JAKMIP1: variants seen among roughly 807,000 people sequenced by gnomAD.
JAKMIP1 encodes the protein janus kinase and microtubule-interacting protein 1.
In JAKMIP1, 33 loss-of-function variants were observed where a neutral mutation model predicts 113.0. That is an observed-to-expected ratio of 0.29 (90% CI 0.22 to 0.39). JAKMIP1 has a LOEUF of 0.39. Among genes scored for constraint, JAKMIP1 ranks in the 10% least tolerant of loss-of-function variants. The pLI, the probability that JAKMIP1 is intolerant of heterozygous loss-of-function variation, is 1.00. For missense variants in JAKMIP1, 813 were observed against 1,080.5 expected, an observed-to-expected ratio of 0.75 and a Z score of 3.47; for synonymous variants, 480 against 459.9, an observed-to-expected ratio of 1.04 and a Z score of -0.56.
chr4:6,158,626 C>T lies in JAKMIP1; in HGVS notation c.-148+41627G>A, dbSNP rs7685114. Among the ~76,000 whole-genome samples the T allele has an allele frequency of 0.021, 3,212 of 152,160 alleles. 110 individuals carry two copies. The highest frequency in any genetic ancestry group is 0.068 in the African/African-American group (2,829 of 41,446). The stretch of plus-strand genomic sequence containing the variant: ...GGGCCATTTCTCCACCCCCCACCCC[C>T]ACCAGCCCCAGCTAGTAGTCATCAT... On this transcript the variant is annotated intron_variant, in intron 1 of 20. Coordinates refer to ENST00000409021, the MANE Select transcript of JAKMIP1 (RefSeq NM_001099433.2). The surrounding 1 kb of genome is among the most constrained non-coding windows in gnomAD (Gnocchi z 5.3).
At chr4:6,110,404 G>A (rs550397402) in intron 2 of JAKMIP1, among the ~76,000 whole-genome samples, 19 of 151,554 alleles carry the variant, frequency 1.3e-4, no homozygotes, top group South Asian at 2.1e-4. Flanking sequence ...GACAGCAATC[G>A]TCTGTTGCGT....
At chr4:6,091,131 T>C (rs902199255) in intron 3 of JAKMIP1, among the ~76,000 whole-genome samples, 1 of 152,096 alleles carries the variant, frequency 6.6e-6, no homozygotes, top group Non-Finnish European at 1.5e-5. Context: ...GCTTAAGGAG[T>C]GACATTTATC....
intron 20 of JAKMIP1, among the ~76,000 whole-genome samples, chr4:6,027,453 G>A (rs1712002225): frequency 6.6e-6 from 1 of 152,182 alleles, no homozygotes; most frequent in African/African-American, 2.4e-5. Context: ...CCATCCAGTG[G>A]GGGTGTGGCA....
chr4:6,147,426 TGGCCTGGTGAATTAATAGCTGA>T (rs1180779283), intron 1 of JAKMIP1, among the ~76,000 whole-genome samples: 1 of 152,148 alleles, frequency 6.6e-6, no homozygotes, highest in Non-Finnish European at 1.5e-5. Flanking sequence ...GTCTGGGCAA[TGGCCTGGTGAATTAATAGCTGA>T]GGCCAGGCTG....
chr4:6,096,270 C>CGGTG (rs1258977007), intron 3 of JAKMIP1, among the ~76,000 whole-genome samples: 5 of 152,214 alleles, frequency 3.3e-5, no homozygotes, highest in Non-Finnish European at 7.3e-5. Context: ...ATTTCATGAC[C>CGGTG]GGTGAGGTTA....
rs564681342 is a variant in JAKMIP1 at position 6,141,465 on chromosome 4, A to G, written c.-147-28468T>C. On this transcript the variant is annotated intron_variant, in intron 1 of 20. Transcript: ENST00000409021. The surrounding 1 kb of genome is among the most constrained non-coding windows in gnomAD (Gnocchi z 9.4). ...TAAATAAATAAATAAATACCAAAAA[A>G]CAAACAAACAAACACAAAAAACAAA... 7.9e-5 allele frequency among the ~76,000 whole-genome samples: 12 copies of G among 152,250 alleles called. No homozygotes were observed. In the East Asian group the frequency reaches 2.3e-3, roughly 29 times the overall value.
At chr4:6,117,844 C>G (rs539282498) in intron 1 of JAKMIP1, among the ~76,000 whole-genome samples, 4 of 151,778 alleles carry the variant, frequency 2.6e-5, no homozygotes, top group East Asian at 1.9e-4. Context: ...AAGAGAAATA[C>G]GGCTCTGTTC....
At chr4:6,147,011 T>C (rs564366963) in intron 1 of JAKMIP1, among the ~76,000 whole-genome samples, 2 of 152,136 alleles carry the variant, frequency 1.3e-5, no homozygotes, top group East Asian at 3.9e-4. Flanking sequence ...CAGGCTGGAG[T>C]GCAATGGCAT....
At position 6,052,399 on chromosome 4, in the gene JAKMIP1, C is replaced by T. The variant is rs11947408; in HGVS notation, c.1806+1651G>A. Among the ~76,000 whole-genome samples, 740 of 152,068 alleles carry T rather than the reference C, an allele frequency of 4.9e-3. 5 individuals are homozygous for T. Among genetic ancestry groups the T allele is most frequent in the African/African-American group, 0.017 (703 of 41,472 alleles). ...TGGTAGCTTATACCTGTAATCCCAG[C>T]ACTTTGGGAGGCTGAGGCAGGTGGA... On this transcript the variant is annotated intron_variant, in intron 13 of 20. Coordinates refer to ENST00000409021, the MANE Select transcript of JAKMIP1 (RefSeq NM_001099433.2).
intron 3 of JAKMIP1, among the ~76,000 whole-genome samples, chr4:6,091,945 C>T (rs1722116708): frequency 6.6e-6 from 1 of 152,174 alleles, no homozygotes; most frequent in Non-Finnish European, 1.5e-5. Flanking sequence ...CCCCCAGCCC[C>T]AGTTTACACT....
At chr4:6,134,628 C>T (rs917685328) in intron 1 of JAKMIP1, among the ~76,000 whole-genome samples, 1 of 152,192 alleles carries the variant, frequency 6.6e-6, no homozygotes, top group Admixed American at 6.5e-5. Context: ...TGCCCATCCC[C>T]GCCACCAGAC....
Position 6,056,765 on chromosome 4 carries a change from G to A in JAKMIP1, c.1645-6C>T. 6.2e-7 allele frequency: 1 copy of A among 1,601,614 alleles called. No individual in the cohort carries two copies. The highest frequency in any genetic ancestry group is 8.6e-7 in the Non-Finnish European group (1 of 1,169,356). ...TCTTCAACCCACTTGGAATCCTAAG[G>A]AAAAGTACTAAATATGGTCACATTC... On this transcript the variant is annotated splice_region_variant and splice_polypyrimidine_tract_variant and intron_variant, in intron 11 of 20. Coordinates refer to ENST00000409021, the MANE Select transcript of JAKMIP1 (RefSeq NM_001099433.2).
chr4:6,044,905 G>A lies in JAKMIP1; in HGVS notation c.2029-2678C>T, dbSNP rs1266481975. Among the ~76,000 whole-genome samples, 2 of 152,244 alleles carry A rather than the reference G, an allele frequency of 1.3e-5. No homozygotes were observed. Among genetic ancestry groups the A allele is most frequent in the Non-Finnish European group, 2.9e-5 (2 of 68,044 alleles). ...ACTCCTGGGAGAAACAGCGTTCATG[G>A]TTCTGCTCCAACCCCAGGAGAGGGG... On this transcript the variant is annotated intron_variant, in intron 16 of 20. Coordinates refer to ENST00000409021, the MANE Select transcript of JAKMIP1 (RefSeq NM_001099433.2). This position sits in a 1 kb window ranked among gnomAD's most constrained non-coding sequence, Gnocchi z 4.4.
chr4:6,147,019 C>T (rs533335080), intron 1 of JAKMIP1, among the ~76,000 whole-genome samples: 2 of 152,254 alleles, frequency 1.3e-5, no homozygotes, highest in Non-Finnish European at 2.9e-5. Context: ...AGTGCAATGG[C>T]ATGATCTCGG....
intron 12 of JAKMIP1, 41 bp from the exon 13 acceptor site, chr4:6,054,189 G>C (rs1348583982): frequency 6.2e-7 from 1 of 1,602,576 alleles, no homozygotes; most frequent in South Asian, 1.1e-5. Context: ...ATGGGTGGGA[G>C]CACTGGGGTC....
In JAKMIP1 at chr4:6,077,245, G is replaced by A. The variant is rs116115436; in HGVS notation, c.1302+1694C>T. ...GTGGACTCCTAATCCAGCATGAGTG[G>A]TGGCTTTATATGTGAAGCCACAGAG... is the stretch of plus-strand genomic sequence containing the variant. On this transcript the variant is annotated intron_variant, in intron 8 of 20. Transcript: ENST00000409021. Among the ~76,000 whole-genome samples the A allele has an allele frequency of 3.6e-3, 543 of 152,214 alleles. 7 individuals are homozygous for A. Among genetic ancestry groups the A allele is most frequent in the African/African-American group, 0.013 (524 of 41,518 alleles).
At chr4:6,079,821 C>G (rs1296548641) in intron 7 of JAKMIP1, among the ~76,000 whole-genome samples, 1 of 150,786 alleles carries the variant, frequency 6.6e-6, no homozygotes, top group African/African-American at 2.5e-5. Flanking sequence ...ACCAACCAAA[C>G]AAACAAAAAG....
rs910241306 is a variant in JAKMIP1, at chr4:6,183,365, A to G, written c.-148+16888T>C. The stretch of plus-strand genomic sequence containing the variant: ...TTGGTGGCGGGTGCCTGTAATACCA[A>G]CTACTTGGGAGGCCGAGGCAGGAGA... On this transcript the variant is annotated intron_variant, in intron 1 of 20. Transcript: ENST00000409021. The surrounding 1 kb of genome is among the most constrained non-coding windows in gnomAD (Gnocchi z 5.3). Among the ~76,000 whole-genome samples, 8 of 151,740 alleles carry G rather than the reference A, an allele frequency of 5.3e-5. No homozygotes were observed. The highest frequency in any genetic ancestry group is 3.9e-4 in the Admixed American group (6 of 15,228).
chr4:6,179,606 A>G lies in JAKMIP1; in HGVS notation c.-148+20647T>C, dbSNP rs752946836. Among the ~76,000 whole-genome samples the G allele has an allele frequency of 6.6e-6, 1 of 152,246 alleles. No homozygotes were observed. Among genetic ancestry groups the G allele is most frequent in the African/African-American group, 2.4e-5 (1 of 41,460 alleles). On this transcript the variant is annotated intron_variant, in intron 1 of 20. Coordinates refer to ENST00000409021, the MANE Select transcript of JAKMIP1 (RefSeq NM_001099433.2). The surrounding 1 kb of genome is among the most constrained non-coding windows in gnomAD (Gnocchi z 4.5). ...TGACCCTGCTCATTGCACCAGGCAG[A>G]GAACAAGGGAAGGGAAGTGGCCCAG...
Sources: allele counts gnomAD v4.1 joint callset (sites outside exome capture counted in the v4.1 genomes callset), GRCh38; gene constraint gnomAD v4.1.1; non-coding constraint Gnocchi (gnomAD v3.1); transcripts MANE v1.5; gene names NCBI Gene and HGNC (gene_info 2026-07-23, HGNC 2026-07-21).